EPHA5: variants seen among roughly 807,000 people sequenced by gnomAD.
The protein encoded by EPHA5 is ephrin type-A receptor 5.
A neutral mutation model predicts 105.0 loss-of-function variants in EPHA5; 60 were observed. The observed-to-expected ratio is 0.57, with a 90% CI of 0.46 to 0.71. EPHA5 has a LOEUF of 0.71. Among genes scored for constraint, EPHA5 ranks in the 30% least tolerant of loss-of-function variants. EPHA5 has a pLI of 0.00. For missense variants in EPHA5, 1,218 were observed against 1,274.7 expected (o/e 0.96, Z 0.68); for synonymous variants, 513 against 449.1 (o/e 1.14, Z -1.80).
At chr4:65,542,410 A>G (rs1736931969) in intron 3 of EPHA5, among the ~76,000 whole-genome samples, 1 of 152,128 alleles carries the variant, frequency 6.6e-6, no homozygotes, top group South Asian at 2.1e-4. Flanking sequence ...GACCCCACAG[A>G]AATACAAACT....
chr4:65,575,955 G>T (rs996182466), intron 3 of EPHA5, among the ~76,000 whole-genome samples: 5 of 144,268 alleles, frequency 3.5e-5, no homozygotes, highest in Non-Finnish European at 6.0e-5. Flanking sequence ...GCAGTCTGGT[G>T]ACAGAGCGAG....
intron 11 of EPHA5, among the ~76,000 whole-genome samples, chr4:65,356,360 C>A (rs752977372): frequency 2.0e-5 from 3 of 151,470 alleles, no homozygotes; most frequent in Non-Finnish European, 4.4e-5. Context: ...ATAAAATTAT[C>A]TCTTTCTTTG....
chr4:65,453,018 T>C (rs543556549), intron 5 of EPHA5, among the ~76,000 whole-genome samples: 5 of 152,304 alleles, frequency 3.3e-5, no homozygotes, highest in African/African-American at 1.2e-4. Context: ...ATATAAACAA[T>C]GGTTTTAGTG....
rs563794040 is a variant in EPHA5 at position 65,501,396 on chromosome 4, G to T, written c.911-5853C>A. Among the ~76,000 whole-genome samples the T allele has an allele frequency of 3.3e-4, 50 of 151,544 alleles. No individual in the cohort carries two copies. In the Middle Eastern group the frequency reaches 0.01, roughly 31 times the overall value. On this transcript the variant is annotated intron_variant, in intron 3 of 16. Transcript: ENST00000613740. Reference sequence around the variant, plus strand: ...CAAAAGTCTCCTGGATCTGATAAATGACATCAGTAAACCTTCAGGATGCAA... The same window carrying T: ...CAAAAGTCTCCTGGATCTGATAAATTACATCAGTAAACCTTCAGGATGCAA...
intron 2 of EPHA5, among the ~76,000 whole-genome samples, chr4:65,638,982 A>G (rs1747403682): frequency 6.6e-6 from 1 of 152,248 alleles, no homozygotes. Flanking sequence ...AATGATTTTA[A>G]GCCATATCTA....
chr4:65,452,801 C>A (rs1390031497), intron 5 of EPHA5, among the ~76,000 whole-genome samples: 1 of 152,148 alleles, frequency 6.6e-6, no homozygotes, highest in Non-Finnish European at 1.5e-5. Context: ...AAAACAGTTT[C>A]TGCACTGTAT....
intron 8 of EPHA5, among the ~76,000 whole-genome samples, chr4:65,374,946 C>A (rs1718846921): frequency 6.6e-6 from 1 of 151,988 alleles, no homozygotes; most frequent in Admixed American, 6.6e-5. Flanking sequence ...TGATTCTTCT[C>A]AGCTCTTAAT....
intron 16 of EPHA5, among the ~76,000 whole-genome samples, chr4:65,329,613 C>T (rs1365968239): frequency 6.6e-6 from 1 of 151,264 alleles, no homozygotes; most frequent in Non-Finnish European, 1.5e-5. Flanking sequence ...CTTCCATTCT[C>T]AGCTTCTACT....
intron 8 of EPHA5, among the ~76,000 whole-genome samples, chr4:65,400,740 C>T (rs1280058385): frequency 6.6e-6 from 1 of 152,052 alleles, no homozygotes; most frequent in East Asian, 1.9e-4. Context: ...AGTGTGTCAT[C>T]ATTTGCACTT....
intron 3 of EPHA5, among the ~76,000 whole-genome samples, chr4:65,557,258 A>ATATATATATATATATATATATT (rs1297322719): frequency 6.9e-6 from 1 of 145,118 alleles, no homozygotes; most frequent in Non-Finnish European, 1.5e-5. Flanking sequence ...ATATATATAT[A>ATATATATATATATATATATATT]TTCTCACACT....
intron 2 of EPHA5, among the ~76,000 whole-genome samples, chr4:65,631,049 C>T (rs546516499): frequency 6.6e-6 from 1 of 152,074 alleles, no homozygotes; most frequent in South Asian, 2.1e-4. Flanking sequence ...TGAGCACATG[C>T]CCATCATTGT....
intron 2 of EPHA5, among the ~76,000 whole-genome samples, chr4:65,630,506 C>T (rs1746534771): frequency 6.6e-6 from 1 of 152,172 alleles, no homozygotes; most frequent in Non-Finnish European, 1.5e-5. Flanking sequence ...AGTATGCCAA[C>T]ATATAAAATG....
At chr4:65,550,618 GAGGT>G (rs1322596044) in intron 3 of EPHA5, among the ~76,000 whole-genome samples, 1 of 152,116 alleles carries the variant, frequency 6.6e-6, no homozygotes, top group African/African-American at 2.4e-5. Flanking sequence ...GGTGGATCAT[GAGGT>G]CAGGAGATCG....
At chr4:65,426,577 C>G (rs1209186027) in intron 5 of EPHA5, among the ~76,000 whole-genome samples, 4 of 152,028 alleles carry the variant, frequency 2.6e-5, no homozygotes, top group African/African-American at 9.7e-5. Flanking sequence ...TCTCATGTGC[C>G]TTGAAAATTC....
chr4:65,615,539 T>A (rs1026429675), intron 2 of EPHA5, among the ~76,000 whole-genome samples: 1 of 151,890 alleles, frequency 6.6e-6, no homozygotes, highest in Non-Finnish European at 1.5e-5. Flanking sequence ...ATTCTATATC[T>A]AGCAAACCTA....
At chr4:65,362,120 A>G (rs761376748) in intron 11 of EPHA5, among the ~76,000 whole-genome samples, 11 of 151,492 alleles carry the variant, frequency 7.3e-5, no homozygotes, top group Non-Finnish European at 1.2e-4. Flanking sequence ...TCTATTTATG[A>G]TGGTTGCTGT....
At chr4:65,564,276 T>C (rs527261222) in intron 3 of EPHA5, among the ~76,000 whole-genome samples, 1 of 151,918 alleles carries the variant, frequency 6.6e-6, no homozygotes, top group African/African-American at 2.4e-5. Flanking sequence ...ACCCAAAAGA[T>C]GCTTTGACTA....
At chr4:65,488,816 C>T (rs903216219) in intron 5 of EPHA5, among the ~76,000 whole-genome samples, 1 of 151,168 alleles carries the variant, frequency 6.6e-6, no homozygotes, top group African/African-American at 2.4e-5. Flanking sequence ...ACAATCTGGG[C>T]TAATTTTGAA....
At position 65,321,026 on chromosome 4, in the gene EPHA5, T is replaced by C. The variant is rs1719600304; in HGVS notation, c.*3088A>G. The C allele has an allele frequency of 8.7e-6, 2 of 230,400 alleles. No individual in the cohort carries two copies. Among genetic ancestry groups the C allele is most frequent in the East Asian group, 1.2e-4 (2 of 16,296 alleles). The allele number at this position is 230,400 out of a possible 1,614,324, so 14.3% of individuals were successfully genotyped here. ...AATAGTACATTATGAAAAGAGCAAC[T>C]GGTTATATTAATAGTATATATGAGC... On this transcript the variant is annotated 3_prime_UTR_variant, in exon 17 of 17. Transcript: ENST00000613740.
Sources: gnomAD v4.1 joint callset for allele counts (sites outside exome capture counted in the v4.1 genomes callset) on GRCh38, gnomAD v4.1.1 for gene constraint, MANE v1.5 for transcripts, NCBI Gene and HGNC (gene_info 2026-07-23, HGNC 2026-07-21) for gene names.